GRID1: variants seen among roughly 807,000 people sequenced by gnomAD.
GRID1 encodes glutamate receptor ionotropic, delta-1.
GRID1 carries 28 observed loss-of-function variants against 98.0 expected under a neutral mutation model. The observed-to-expected ratio is 0.29, with a 90% CI of 0.21 to 0.39. The LOEUF (loss-of-function observed/expected upper bound fraction) is 0.39. GRID1 is among the 10% of genes least tolerant of loss of function. GRID1 has a pLI of 1.00. For synonymous variants in GRID1, 553 were observed against 538.5 expected (o/e 1.03, Z -0.37); for missense variants, 1,111 against 1,340.5 (o/e 0.83, Z 2.67).
intron 5 of GRID1, among the ~76,000 whole-genome samples, chr10:85,915,025 G>A (rs1422366310): frequency 1.3e-5 from 2 of 152,144 alleles, no homozygotes; most frequent in African/African-American, 2.4e-5. Context: ...GCGTGGAGGA[G>A]GCCAGGGCCA....
chr10:86,081,278 G>A (rs144090956), intron 4 of GRID1, among the ~76,000 whole-genome samples: 20 of 152,320 alleles, frequency 1.3e-4, no homozygotes, highest in East Asian at 3.9e-4. Flanking sequence ...AAAGAGGGCC[G>A]TGCAGAGATG....
chr10:86,300,726 A>C (rs1469728442), intron 2 of GRID1, among the ~76,000 whole-genome samples: 2 of 152,028 alleles, frequency 1.3e-5, no homozygotes, highest in Non-Finnish European at 2.9e-5. Context: ...AGCAGGAGGA[A>C]AGAACCCTCC....
intron 4 of GRID1, among the ~76,000 whole-genome samples, chr10:86,123,120 G>A (rs574786066): frequency 5.3e-5 from 8 of 152,304 alleles, no homozygotes; most frequent in Non-Finnish European, 8.8e-5. Context: ...TGACTACTCC[G>A]CCCCAACACT....
At chr10:86,163,367 C>T (rs1845349926) in intron 3 of GRID1, among the ~76,000 whole-genome samples, 1 of 151,434 alleles carries the variant, frequency 6.6e-6, no homozygotes, top group Non-Finnish European at 1.5e-5. Context: ...TGTAGCTGTC[C>T]TATGAGCATG....
intron 3 of GRID1, among the ~76,000 whole-genome samples, chr10:86,187,026 G>A (rs1185354215): frequency 6.6e-6 from 1 of 152,170 alleles, no homozygotes; most frequent in Admixed American, 6.5e-5. Context: ...TCCCAGAGAA[G>A]AGCCAAGGAA....
intron 8 of GRID1, among the ~76,000 whole-genome samples, chr10:85,746,593 T>TTG (rs1841999605): frequency 6.6e-6 from 1 of 152,112 alleles, no homozygotes; most frequent in South Asian, 2.1e-4. Flanking sequence ...AGCCACCATA[T>TTG]AAGAGATTCA....
chr10:85,733,617 A>G (rs1482455293), intron 8 of GRID1, among the ~76,000 whole-genome samples: 1 of 152,242 alleles, frequency 6.6e-6, no homozygotes, highest in African/African-American at 2.4e-5. Flanking sequence ...GGCGTGAGCC[A>G]CTGTGCCCAG....
intron 4 of GRID1, among the ~76,000 whole-genome samples, chr10:86,091,404 C>A (rs967936332): frequency 6.6e-6 from 1 of 152,030 alleles, no homozygotes; most frequent in Admixed American, 6.6e-5. Context: ...TCATCAGAGG[C>A]AGCCATAATC....
rs1011836415 is a variant in GRID1, at chr10:86,118,994, T to C, written c.726+19825A>G. Reference sequence around the variant, plus strand: ...AACTAATGCAATGTGGTATCCTGGATAGGATCCTAAGACAAACAAAACAAA... The same window carrying C: ...AACTAATGCAATGTGGTATCCTGGACAGGATCCTAAGACAAACAAAACAAA... On this transcript the variant is annotated intron_variant, in intron 4 of 15. Coordinates refer to ENST00000327946, the MANE Select transcript of GRID1 (RefSeq NM_017551.3). Among the ~76,000 whole-genome samples, 3 of 152,204 alleles carry C rather than the reference T, an allele frequency of 2.0e-5. No homozygotes were observed. The East Asian group carries it at 5.8e-4, about 29-fold the overall frequency.
At chr10:86,114,360 A>G (rs1225675728) in intron 4 of GRID1, among the ~76,000 whole-genome samples, 1 of 152,080 alleles carries the variant, frequency 6.6e-6, no homozygotes, top group Non-Finnish European at 1.5e-5. Context: ...GGCAGTGGAG[A>G]GGTGGCAGTC....
At chr10:86,306,669 G>A (rs1847762524) in intron 2 of GRID1, among the ~76,000 whole-genome samples, 1 of 152,194 alleles carries the variant, frequency 6.6e-6, no homozygotes, top group African/African-American at 2.4e-5. Context: ...GGGAAAAAGA[G>A]AGAGGGGGAA....
chr10:85,730,358 G>T (rs772512730), intron 8 of GRID1, among the ~76,000 whole-genome samples: 7 of 152,192 alleles, frequency 4.6e-5, no homozygotes, highest in Non-Finnish European at 5.9e-5. Context: ...CTGCATCCTT[G>T]CAGGGTCTAT....
At chr10:85,857,904 T>C (rs930460102) in intron 6 of GRID1, among the ~76,000 whole-genome samples, 1 of 152,148 alleles carries the variant, frequency 6.6e-6, no homozygotes, top group African/African-American at 2.4e-5. Flanking sequence ...TCATGTTTCT[T>C]AGTCCAGGTG....
chr10:86,022,684 G>A (rs1445341019), intron 4 of GRID1, among the ~76,000 whole-genome samples: 2 of 152,086 alleles, frequency 1.3e-5, no homozygotes, highest in African/African-American at 2.4e-5. Flanking sequence ...TTGGGAGGCC[G>A]AGGAGGGTAG....
chr10:86,052,826 T>C (rs1986558), intron 4 of GRID1, among the ~76,000 whole-genome samples: 13,183 of 152,294 alleles, frequency 0.087, 609 homozygotes, highest in Non-Finnish European at 0.11. Flanking sequence ...TTCATATACA[T>C]TACATAAAAC....
chr10:85,677,588 G>A (rs1450324229), intron 12 of GRID1, among the ~76,000 whole-genome samples: 1 of 152,216 alleles, frequency 6.6e-6, no homozygotes, highest in Non-Finnish European at 1.5e-5. Context: ...AAGCTGAGAA[G>A]ATACAAACCT....
intron 4 of GRID1, among the ~76,000 whole-genome samples, chr10:86,106,507 A>G (rs1288581693): frequency 7.3e-6 from 1 of 136,442 alleles, no homozygotes; most frequent in South Asian, 2.5e-4. Context: ...GGGATGGGAG[A>G]ATGGGCCTGC....
chr10:85,818,130 A>T (rs1298529711), intron 8 of GRID1, among the ~76,000 whole-genome samples: 1 of 152,242 alleles, frequency 6.6e-6, no homozygotes, highest in East Asian at 1.9e-4. Context: ...ACAAATAAGT[A>T]AATAATTTGT....
intron 4 of GRID1, among the ~76,000 whole-genome samples, chr10:86,002,530 T>TTTAA (rs1842813787): frequency 6.6e-6 from 1 of 152,178 alleles, no homozygotes; most frequent in Admixed American, 6.5e-5. Context: ...AAATGCCTTG[T>TTTAA]TTAACCTCCT....
Sources: allele counts gnomAD v4.1 joint callset (sites outside exome capture counted in the v4.1 genomes callset), GRCh38; gene constraint gnomAD v4.1.1; transcripts MANE v1.5; gene names NCBI Gene and HGNC (gene_info 2026-07-23, HGNC 2026-07-21).